Variants in RORA observed in about 807,000 individuals in gnomAD.
RORA encodes RAR related orphan receptor A.
In RORA, 7 loss-of-function variants were observed where a neutral mutation model predicts 69.5. The ratio of observed to expected loss-of-function variants is 0.10; its 90% CI spans 0.06 to 0.19. The LOEUF is 0.19. RORA is among the 10% of genes least tolerant of loss of function. The pLI is 1.00. For synonymous variants in RORA, 261 were observed against 240.8 expected, an observed-to-expected ratio of 1.08 and a Z score of -0.78; for missense variants, 457 against 663.0, an observed-to-expected ratio of 0.69 and a Z score of 3.41.
In RORA at chr15:60,572,544, C is replaced by G. The variant is rs546059220; in HGVS notation, c.197-40693G>C. Among the ~76,000 whole-genome samples the G allele has an allele frequency of 8.5e-5, 13 of 152,244 alleles. 1 individual carries two copies. Among genetic ancestry groups the G allele is most frequent in the Admixed American group, 7.2e-4 (11 of 15,302 alleles). On this transcript the variant is annotated intron_variant, in intron 2 of 10. Transcript: ENST00000335670. The stretch of plus-strand genomic sequence containing the variant: ...AGGGGCTTTTTAGTCATACTCCCTC[C>G]TACCATTTAAAAACAAATCTATACA...
chr15:61,215,219 GCA>G, intron 1 of RORA, among the ~76,000 whole-genome samples: 1 of 152,012 alleles, frequency 6.6e-6, no homozygotes, highest in African/African-American at 2.4e-5. Flanking sequence ...CCCACTGGGA[GCA>G]GCCATGTTGG....
At chr15:61,197,418 G>A (rs186965816) in intron 1 of RORA, among the ~76,000 whole-genome samples, 2 of 152,268 alleles carry the variant, frequency 1.3e-5, no homozygotes, top group Admixed American at 6.5e-5. Context: ...TCTAAGCACC[G>A]CCGGTCATGT....
At chr15:61,098,676 C>T (rs2078834138) in intron 1 of RORA, among the ~76,000 whole-genome samples, 1 of 152,150 alleles carries the variant, frequency 6.6e-6, no homozygotes, top group Non-Finnish European at 1.5e-5. Context: ...AAAGGGCTTC[C>T]ATGTATCGAC....
At chr15:60,955,347 C>G (rs1456537607) in intron 1 of RORA, among the ~76,000 whole-genome samples, 1 of 152,282 alleles carries the variant, frequency 6.6e-6, no homozygotes, top group East Asian at 1.9e-4. Flanking sequence ...ATGTGTTATT[C>G]AAGATTGCTG....
At chr15:60,591,268 G>T (rs575387173) in intron 2 of RORA, among the ~76,000 whole-genome samples, 6 of 152,186 alleles carry the variant, frequency 3.9e-5, no homozygotes, top group Non-Finnish European at 8.8e-5. Context: ...GATTATCCAC[G>T]GCGAGGAACC....
intron 1 of RORA, among the ~76,000 whole-genome samples, chr15:60,785,783 C>G (rs1276966398): frequency 6.6e-6 from 1 of 152,250 alleles, no homozygotes; most frequent in East Asian, 1.9e-4. Flanking sequence ...AAGCATTCCT[C>G]CCCTCCATAT....
chr15:61,050,242 A>T (rs537520114), intron 1 of RORA, among the ~76,000 whole-genome samples: 277 of 152,328 alleles, frequency 1.8e-3, no homozygotes, highest in African/African-American at 6.4e-3. Context: ...CGCAGCGATG[A>T]GTCATGAGAC....
intron 1 of RORA, among the ~76,000 whole-genome samples, chr15:60,738,732 T>A (rs1241426595): frequency 6.6e-6 from 1 of 152,210 alleles, no homozygotes; most frequent in Non-Finnish European, 1.5e-5. Context: ...TGGAACAAAG[T>A]TCCACTCACT....
At chr15:60,791,764 G>A (rs1480104452) in intron 1 of RORA, among the ~76,000 whole-genome samples, 2 of 152,188 alleles carry the variant, frequency 1.3e-5, no homozygotes, top group Admixed American at 1.3e-4. Flanking sequence ...ATCTGCTGTC[G>A]ACCGCAGGAA....
chr15:60,725,671 C>G (rs2071347757), intron 1 of RORA, among the ~76,000 whole-genome samples: 1 of 152,102 alleles, frequency 6.6e-6, no homozygotes, highest in Non-Finnish European at 1.5e-5. Flanking sequence ...TCTTTTTGTT[C>G]TTTTTTGTAC....
intron 1 of RORA, among the ~76,000 whole-genome samples, chr15:61,127,166 T>C (rs887192199): frequency 6.6e-6 from 1 of 152,220 alleles, no homozygotes; most frequent in African/African-American, 2.4e-5. Flanking sequence ...CCACGTGTAC[T>C]TCTGACTGTG....
intron 1 of RORA, among the ~76,000 whole-genome samples, chr15:60,758,333 T>C (rs1425890552): frequency 6.6e-6 from 1 of 152,188 alleles, no homozygotes; most frequent in Admixed American, 6.5e-5. Context: ...CTTTCAGAGT[T>C]GTGGTGGCAA....
chr15:60,631,938 C>A (rs1417536485), intron 2 of RORA, among the ~76,000 whole-genome samples: 2 of 152,164 alleles, frequency 1.3e-5, no homozygotes, highest in Admixed American at 6.5e-5. Flanking sequence ...CAAGTTAACT[C>A]GCTTTACTCT....
chr15:60,609,550 G>A (rs1414843430), intron 2 of RORA, among the ~76,000 whole-genome samples: 1 of 152,148 alleles, frequency 6.6e-6, no homozygotes, highest in African/African-American at 2.4e-5. Flanking sequence ...AAGTCCATAA[G>A]ATGGAAATGA....
chr15:60,794,449 C>T (rs964464904), intron 1 of RORA, among the ~76,000 whole-genome samples: 10 of 152,304 alleles, frequency 6.6e-5, no homozygotes, highest in African/African-American at 1.9e-4. Flanking sequence ...AACATGGTCA[C>T]CAGAGAACCA....
chr15:60,818,762 C>T (rs1297198065), intron 1 of RORA, among the ~76,000 whole-genome samples: 1 of 152,168 alleles, frequency 6.6e-6, no homozygotes, highest in African/African-American at 2.4e-5. Context: ...ATGAATTGAA[C>T]TGATTTTCTT....
intron 1 of RORA, among the ~76,000 whole-genome samples, chr15:61,133,121 C>T (rs1200600798): frequency 6.6e-6 from 1 of 151,694 alleles, no homozygotes; most frequent in African/African-American, 2.4e-5. Flanking sequence ...TAAAGGGAAA[C>T]ATTTTGTTCA....
chr15:60,826,763 CTCCCT>C (rs2072966005), intron 1 of RORA, among the ~76,000 whole-genome samples: 1 of 98,528 alleles, frequency 1.0e-5, no homozygotes, highest in African/African-American at 2.8e-5. Context: ...CTCTCTCTCT[CTCCCT>C]CTCTCTCTCT....
At chr15:60,562,456 G>A (rs1595980406) in intron 2 of RORA, among the ~76,000 whole-genome samples, 1 of 149,414 alleles carries the variant, frequency 6.7e-6, no homozygotes, top group East Asian at 2.0e-4. Context: ...TTTGTTTTGA[G>A]ACAGAGTCTT....
Sources: allele counts gnomAD v4.1 joint callset (sites outside exome capture counted in the v4.1 genomes callset), GRCh38; gene constraint gnomAD v4.1.1; transcripts MANE v1.5; gene names NCBI Gene and HGNC (gene_info 2026-07-23, HGNC 2026-07-21).